Variants in IFT88 observed in about 807,000 individuals in gnomAD.
IFT88 encodes intraflagellar transport 88, also known as intraflagellar transport protein 88 homolog.
IFT88 carries 74 observed loss-of-function variants against 119.5 expected under a neutral mutation model. That is an observed-to-expected ratio of 0.62 (90% CI 0.51 to 0.75). The LOEUF (loss-of-function observed/expected upper bound fraction) is 0.75. Ranked by LOEUF, IFT88 falls within the 30% of genes least tolerant of loss-of-function variation. IFT88 has a pLI of 0.00. For missense variants in IFT88, 961 were observed against 977.7 expected, an observed-to-expected ratio of 0.98 and a Z score of 0.23; for synonymous variants, 279 against 316.7, an observed-to-expected ratio of 0.88 and a Z score of 1.26.
chr13:20,620,278 T>G (rs2046271015), intron 14 of IFT88, among the ~76,000 whole-genome samples: 1 of 152,210 alleles, frequency 6.6e-6, no homozygotes, highest in South Asian at 2.1e-4. Flanking sequence ...GAAAATAGTT[T>G]ACTTTTTCCA....
At chr13:20,576,708 A>G (rs2037451863) in intron 2 of IFT88, among the ~76,000 whole-genome samples, 1 of 152,090 alleles carries the variant, frequency 6.6e-6, no homozygotes, top group Non-Finnish European at 1.5e-5. Context: ...TGGGTTCTCT[A>G]TTCTGTTCCA....
chr13:20,644,086 G>A (rs1460878630), intron 19 of IFT88, among the ~76,000 whole-genome samples: 2 of 152,112 alleles, frequency 1.3e-5, no homozygotes, highest in Non-Finnish European at 2.9e-5. Context: ...ATGAAATAGG[G>A]CTGGGCATGG....
At chr13:20,664,083 G>C (rs2054257363) in intron 23 of IFT88, among the ~76,000 whole-genome samples, 1 of 152,180 alleles carries the variant, frequency 6.6e-6, no homozygotes, top group African/African-American at 2.4e-5. Flanking sequence ...TCAGGATATA[G>C]AAGCTAATTT....
At chr13:20,582,312 G>A (rs1429377671) in intron 2 of IFT88, among the ~76,000 whole-genome samples, 1 of 152,158 alleles carries the variant, frequency 6.6e-6, no homozygotes. Context: ...GGGAATGTAA[G>A]TACATTTCAG....
At position 20,599,470 on chromosome 13, in the gene IFT88, G is replaced by C; in HGVS notation, c.717G>C (p.Met239Ile). ...FSNAGILKMN[M>I]GNIYLKQRNY... ...AATTAGGAATATTGAAAATGAATAT[G>C]GGAAATATCTATTTAAAGCAAAGAA... The change falls in exon 11 of 26, where the codon ATG (methionine) becomes ATC (isoleucine). Residue 239 changes from methionine (M) to isoleucine (I), a missense_variant. By Grantham distance (10) the Met-to-Ile change is conservative. Transcript: ENST00000351808. 1 of 1,363,022 alleles carries C rather than the reference G, an allele frequency of 7.3e-7. No homozygotes were observed. The highest frequency in any genetic ancestry group is 1.0e-6 in the Non-Finnish European group (1 of 972,486). 84.4% of individuals were successfully genotyped at this position (1,363,022 alleles called of 1,614,324 possible).
chr13:20,593,876 C>T (rs2041170407), intron 7 of IFT88, among the ~76,000 whole-genome samples: 1 of 151,678 alleles, frequency 6.6e-6, no homozygotes, highest in Non-Finnish European at 1.5e-5. Flanking sequence ...ATAGCGAGAC[C>T]CCGTCTCTAC....
At chr13:20,630,928 C>G (rs969849973) in intron 15 of IFT88, 88 bp from the exon 16 acceptor site, 6 of 776,554 alleles carry the variant, frequency 7.7e-6, no homozygotes, top group Admixed American at 6.0e-5. Flanking sequence ...CTGGTCTTAC[C>G]CTTCAGGAAC....
intron 13 of IFT88, chr13:20,607,772 G>A (rs2043768334): frequency 1.3e-6 from 1 of 747,394 alleles, no homozygotes. Flanking sequence ...ATTGCCTTCA[G>A]CATCCTCAAC....
Position 20,656,439 on chromosome 13 carries a change from C to T in IFT88, c.2068+9C>T, listed in dbSNP as rs1258159540. ...TCCAGAAAATGTCGAATGTAAGTGG[C>T]ATTACATAATGTAACTTTGAAGTGA... is the stretch of plus-strand genomic sequence containing the variant. On this transcript the variant is annotated intron_variant, in intron 22 of 25. Transcript: ENST00000351808. 4 of 1,376,980 alleles carry T rather than the reference C, an allele frequency of 2.9e-6. No homozygotes were observed. The Admixed American group carries it at 5.9e-5, about 20-fold the overall frequency. 85.3% of individuals were successfully genotyped at this position (1,376,980 alleles called of 1,614,324 possible).
At position 20,599,140 on chromosome 13, in the gene IFT88, G is replaced by A. The variant is rs568251153; in HGVS notation, c.698-311G>A. Among the ~76,000 whole-genome samples, 20 of 152,070 alleles carry A rather than the reference G, an allele frequency of 1.3e-4. No individual in the cohort carries two copies. In the East Asian group the frequency reaches 3.5e-3, roughly 26 times the overall value. On this transcript the variant is annotated intron_variant, in intron 10 of 25. Coordinates refer to ENST00000351808, the MANE Select transcript of IFT88 (RefSeq NM_006531.5). ...TTCCTTTAATATTATTAAAATGTAT[G>A]TGGCATTCTTGAGTCTAACTTTTAA...
intron 1 of IFT88, among the ~76,000 whole-genome samples, chr13:20,569,600 T>A (rs2035830108): frequency 6.6e-6 from 1 of 152,126 alleles, no homozygotes; most frequent in African/African-American, 2.4e-5. Flanking sequence ...TTTTAAACTT[T>A]TGTGCTTCAG....
chr13:20,624,671 C>T (rs1344133786), intron 14 of IFT88, among the ~76,000 whole-genome samples: 1 of 152,192 alleles, frequency 6.6e-6, no homozygotes, highest in Admixed American at 6.5e-5. Flanking sequence ...CTCTCTCTCT[C>T]ACACACAACA....
rs79942385 is a variant in IFT88, at chr13:20,653,914, G to C, written c.1988G>C (p.Cys663Ser). 2.0e-3 allele frequency: 3,147 copies of C among 1,586,408 alleles called. 68 individuals are homozygous for C. In the African/African-American group the frequency reaches 0.039, roughly 19 times the overall value. ...AAATGGCAGCTGATGGTAGCTAGTTGTTTCAGAAGAAGTGGTAAATGCTTT... is the reference window on the plus strand; with the variant it reads ...AAATGGCAGCTGATGGTAGCTAGTTCTTTCAGAAGAAGTGGTAAATGCTTT... ...QVKWQLMVAS[C>S]FRRSGNYQKA... The change falls in exon 21 of 26, where the codon TGT (cysteine) becomes TCT (serine). Residue 663 changes from cysteine (C) to serine (S), a missense_variant. Coordinates refer to ENST00000351808, the MANE Select transcript of IFT88 (RefSeq NM_006531.5).
intron 7 of IFT88, among the ~76,000 whole-genome samples, chr13:20,595,368 A>G (rs918954767): frequency 6.6e-6 from 1 of 151,892 alleles, no homozygotes; most frequent in Non-Finnish European, 1.5e-5. Flanking sequence ...ACTCACTGCA[A>G]CCTCTGTCTC....
chr13:20,616,546 A>G (rs2045639431), intron 14 of IFT88, among the ~76,000 whole-genome samples: 1 of 152,226 alleles, frequency 6.6e-6, no homozygotes, highest in Admixed American at 6.5e-5. Flanking sequence ...AGGCTATACC[A>G]TATAGCCTAG....
intron 3 of IFT88, among the ~76,000 whole-genome samples, chr13:20,588,450 A>T (rs1259362171): frequency 6.6e-6 from 1 of 152,004 alleles, no homozygotes; most frequent in Admixed American, 6.6e-5. Flanking sequence ...TGCCTCTTGT[A>T]TGTCTGGTTG....
At chr13:20,674,704 A>ATG (rs2056393638) in intron 24 of IFT88, among the ~76,000 whole-genome samples, 1 of 42,120 alleles carries the variant, frequency 2.4e-5, no homozygotes, top group Non-Finnish European at 5.7e-5. Context: ...CTGAAGTTTT[A>ATG]TATATATATA....
intron 14 of IFT88, among the ~76,000 whole-genome samples, chr13:20,620,810 T>G (rs538764294): frequency 1.3e-5 from 2 of 152,232 alleles, no homozygotes; most frequent in East Asian, 1.9e-4. Context: ...ATGATAGACG[T>G]GAGTCACCAC....
At chr13:20,570,475 T>C (rs1292565975) in intron 1 of IFT88, among the ~76,000 whole-genome samples, 1 of 152,236 alleles carries the variant, frequency 6.6e-6, no homozygotes, top group Non-Finnish European at 1.5e-5. Context: ...ACAATTCAAA[T>C]GTCCATTAAC....
Sources: gnomAD v4.1 joint callset for allele counts (sites outside exome capture counted in the v4.1 genomes callset) on GRCh38, gnomAD v4.1.1 for gene constraint, MANE v1.5 for transcripts, NCBI Gene and HGNC (gene_info 2026-07-23, HGNC 2026-07-21) for gene names.